The following MACROD1 variants were observed in gnomAD, a reference collection of about 807,000 sequenced individuals.
MACROD1 encodes the protein mono-ADP ribosylhydrolase 1, also known as ADP-ribose glycohydrolase MACROD1.
MACROD1 carries 31 observed loss-of-function variants against 41.4 expected under a neutral mutation model. The ratio of observed to expected loss-of-function variants is 0.75; its 90% confidence interval spans 0.56 to 1.01. The LOEUF is 1.01. Ranked by LOEUF, MACROD1 falls within the 50% of genes least tolerant of loss-of-function variation. The probability of loss-of-function intolerance (pLI) is 0.00; values close to 1 mark genes in which losing one functional copy is unlikely to be tolerated. For missense variants in MACROD1, 473 were observed against 460.0 expected, an observed-to-expected ratio of 1.03 and a Z score of -0.26; for synonymous variants, 252 against 203.4, an observed-to-expected ratio of 1.24 and a Z score of -2.03.
At chr11:64,030,937 G>A (rs1032254853) in intron 3 of MACROD1, among the ~76,000 whole-genome samples, 1 of 151,910 alleles carries the variant, frequency 6.6e-6, no homozygotes, top group Non-Finnish European at 1.5e-5. Context: ...GGTTAGGGAG[G>A]CCTTTCTGAT....
chr11:64,048,210 C>G (rs1387083939), intron 3 of MACROD1, among the ~76,000 whole-genome samples: 1 of 152,222 alleles, frequency 6.6e-6, no homozygotes, highest in Non-Finnish European at 1.5e-5. Flanking sequence ...GAGCCGGGGG[C>G]CTTCGAGGAG....
chr11:64,062,937 C>T (rs1943932283), intron 3 of MACROD1, among the ~76,000 whole-genome samples: 2 of 152,222 alleles, frequency 1.3e-5, no homozygotes, highest in Admixed American at 1.3e-4. Flanking sequence ...CCTGAGCCAC[C>T]TCCGTGCTCC....
chr11:64,102,124 G>A (rs641811), intron 3 of MACROD1, among the ~76,000 whole-genome samples: 41,676 of 152,132 alleles, frequency 0.27, 6,476 homozygotes, highest in African/African-American at 0.43. Flanking sequence ...AGATGCAGCT[G>A]AGCCCATCTG....
chr11:64,138,777 T>C (rs1428621666), intron 3 of MACROD1, among the ~76,000 whole-genome samples: 1 of 151,872 alleles, frequency 6.6e-6, no homozygotes, highest in African/African-American at 2.4e-5. Flanking sequence ...GGGGATTTTT[T>C]TTTTTTTTAA....
chr11:64,156,198 T>C (rs1945665485), intron 1 of MACROD1, among the ~76,000 whole-genome samples: 1 of 151,954 alleles, frequency 6.6e-6, no homozygotes, highest in Non-Finnish European at 1.5e-5. Context: ...GGAGGATCGC[T>C]TCAGCCTGGG....
At chr11:64,076,861 C>A (rs950897919) in intron 3 of MACROD1, among the ~76,000 whole-genome samples, 1 of 152,244 alleles carries the variant, frequency 6.6e-6, no homozygotes, top group African/African-American at 2.4e-5. Context: ...CTGCCTCCAT[C>A]CCTTGCCTTC....
intron 3 of MACROD1, among the ~76,000 whole-genome samples, chr11:64,087,759 G>A (rs575709080): frequency 2.0e-5 from 3 of 152,372 alleles, no homozygotes; most frequent in South Asian, 2.1e-4. Flanking sequence ...CACAGAGCAC[G>A]CTGTGCACGT....
chr11:64,124,625 A>G (rs2134642106), intron 3 of MACROD1, among the ~76,000 whole-genome samples: 1 of 151,718 alleles, frequency 6.6e-6, no homozygotes, highest in Admixed American at 6.5e-5. Context: ...CTTTCTCACC[A>G]TAACAGATTT....
At position 63,999,705 on chromosome 11, in the gene MACROD1, G is replaced by A. The variant is rs760263385; in HGVS notation, c.723C>T (p.Ala241=). Residue 241 remains alanine, a synonymous_variant, in exon 6 of 11, where the codon GCC becomes GCT. Transcript: ENST00000255681. ...TGCTCAGGTAGCAGCTGCGGAGCTC[G>A]GCAGCCTGACTGGCGCTGGGCTCCC... The part of the protein sequence containing the change: ...AYGEPSASQA[A]ELRSCYLSSL... 3 of 1,608,684 alleles carry A rather than the reference G, an allele frequency of 1.9e-6. No homozygotes were observed. Among genetic ancestry groups the A allele is most frequent in the Non-Finnish European group, 2.5e-6 (3 of 1,179,246 alleles).
At chr11:64,008,357 G>C (rs1942948933) in intron 4 of MACROD1, among the ~76,000 whole-genome samples, 1 of 129,492 alleles carries the variant, frequency 7.7e-6, no homozygotes, top group African/African-American at 2.9e-5. Flanking sequence ...GCCCTGGGTG[G>C]CGGCTTCTGA....
At position 64,143,163 on chromosome 11, in the gene MACROD1, G is replaced by A. The variant is rs559303265; in HGVS notation, c.517+8076C>T. Among the ~76,000 whole-genome samples the A allele has an allele frequency of 7.3e-5, 11 of 150,402 alleles. No individual in the cohort carries two copies. The East Asian group carries it at 2.0e-3, about 27-fold the overall frequency. ...GGGAGGGAGGGAGGAAAGGAAGAGA[G>A]GAAGGAAAGAAAGGAAAAAGGGAAA... On this transcript the variant is annotated intron_variant, in intron 3 of 10. Coordinates refer to ENST00000255681, the MANE Select transcript of MACROD1 (RefSeq NM_014067.4).
At chr11:64,163,092 G>A (rs1402442894) in intron 1 of MACROD1, among the ~76,000 whole-genome samples, 1 of 151,990 alleles carries the variant, frequency 6.6e-6, no homozygotes, top group African/African-American at 2.4e-5. Context: ...CTGCACTCCA[G>A]CCTGGGCAAC....
At chr11:64,094,410 G>A (rs989800423) in intron 3 of MACROD1, among the ~76,000 whole-genome samples, 2 of 149,466 alleles carry the variant, frequency 1.3e-5, no homozygotes, top group Non-Finnish European at 3.0e-5. Flanking sequence ...CAGCCTGGGC[G>A]ACAGAGTGAG....
chr11:64,088,722 CGT>C (rs1944438589), intron 3 of MACROD1, among the ~76,000 whole-genome samples: 2 of 152,154 alleles, frequency 1.3e-5, no homozygotes, highest in African/African-American at 4.8e-5. Flanking sequence ...TGGGGATAAT[CGT>C]GTGTTTCCCC....
At chr11:64,071,830 C>T (rs1357951535) in intron 3 of MACROD1, among the ~76,000 whole-genome samples, 3 of 152,090 alleles carry the variant, frequency 2.0e-5, no homozygotes, top group African/African-American at 2.4e-5. Context: ...TAAGGGGCAT[C>T]GAGACTCACC....
chr11:64,161,188 A>G (rs1015608735), intron 1 of MACROD1, among the ~76,000 whole-genome samples: 6 of 152,130 alleles, frequency 3.9e-5, no homozygotes, highest in Non-Finnish European at 7.3e-5. Context: ...AAAACCAAAC[A>G]AAACAACAAA....
At position 63,999,705 on chromosome 11, in the gene MACROD1, G is replaced by T. The variant is rs760263385; in HGVS notation, c.723C>A (p.Ala241=). The change falls in exon 6 of 11, where the codon GCC becomes GCA. Residue 241 remains alanine (A), a synonymous_variant. Coordinates refer to ENST00000255681, the MANE Select transcript of MACROD1 (RefSeq NM_014067.4). The part of the protein sequence containing the change: ...AYGEPSASQA[A]ELRSCYLSSL... The stretch of plus-strand genomic sequence containing the variant: ...TGCTCAGGTAGCAGCTGCGGAGCTC[G>T]GCAGCCTGACTGGCGCTGGGCTCCC... The T allele has an allele frequency of 6.2e-7, 1 of 1,608,802 alleles. No homozygotes were observed.
intron 1 of MACROD1, among the ~76,000 whole-genome samples, chr11:64,153,208 G>T (rs367830878): frequency 1.3e-4 from 20 of 152,088 alleles, no homozygotes; most frequent in African/African-American, 4.6e-4. Context: ...GGCCCGCCCC[G>T]ACCGCGCCAG....
intron 3 of MACROD1, among the ~76,000 whole-genome samples, chr11:64,145,130 A>C (rs1409825566): frequency 2.0e-5 from 3 of 152,184 alleles, no homozygotes; most frequent in Non-Finnish European, 2.9e-5. Context: ...GATTCTCACA[A>C]ATCAAAGCCC....
Sources: gnomAD v4.1 joint callset for allele counts (sites outside exome capture counted in the v4.1 genomes callset) on GRCh38, gnomAD v4.1.1 for gene constraint, MANE v1.5 for transcripts, NCBI Gene and HGNC (gene_info 2026-07-23, HGNC 2026-07-21) for gene names.